The following LUC7L3 variants were observed in gnomAD, a reference collection of about 807,000 sequenced individuals.
The protein encoded by LUC7L3 is LUC7 like 3 pre-mRNA splicing factor, also known as luc7-like protein 3.
A neutral mutation model predicts 66.8 loss-of-function variants in LUC7L3; 6 were observed. The observed-to-expected ratio is 0.09, with a 90% CI of 0.05 to 0.18. The LOEUF (loss-of-function observed/expected upper bound fraction) is 0.18. LUC7L3 is among the 10% of genes least tolerant of loss of function. The pLI is 1.00. For missense variants in LUC7L3, 341 were observed against 531.1 expected, an observed-to-expected ratio of 0.64 and a Z score of 3.52; for synonymous variants, 160 against 174.7, an observed-to-expected ratio of 0.92 and a Z score of 0.66.
At chr17:50,738,900 T>G (rs1449763567) in intron 2 of LUC7L3, among the ~76,000 whole-genome samples, 1 of 150,248 alleles carries the variant, frequency 6.7e-6, no homozygotes, top group Admixed American at 6.7e-5. Flanking sequence ...AACACGGGGG[T>G]GGTGGGGGTG....
At chr17:50,726,681 A>G (rs538843298) in intron 1 of LUC7L3, among the ~76,000 whole-genome samples, 45 of 152,344 alleles carry the variant, frequency 3.0e-4, no homozygotes, top group African/African-American at 8.7e-4. Context: ...AACTTAGGGT[A>G]TTGATAAATA....
Position 50,752,210 on chromosome 17 carries a change from C to G in LUC7L3, c.*1549C>G, listed in dbSNP as rs1380553337. ...AATTTTGCGTTGTAGGACTACTGTT[C>G]GAAGATTTTTGGAAGAATACTGAGA... is the stretch of plus-strand genomic sequence containing the variant. On this transcript the variant is annotated 3_prime_UTR_variant, in exon 10 of 10. Transcript: ENST00000505658. The G allele has an allele frequency of 8.6e-6, 11 of 1,282,770 alleles. No individual in the cohort carries two copies. The highest frequency in any genetic ancestry group is 2.5e-5 in the South Asian group (2 of 79,808). The allele number at this position is 1,282,770 out of a possible 1,614,324, so 79.5% of individuals were successfully genotyped here. A position where few individuals can be genotyped will look rare whatever the true frequency, so the allele number is the denominator to read the frequency against.
rs1174000145 is a variant in LUC7L3, at chr17:50,751,941, A to G, written c.*1280A>G. 9.7e-7 allele frequency: 1 copy of G among 1,035,942 alleles called. No homozygotes were observed. The highest frequency in any genetic ancestry group is 3.2e-5 in the South Asian group (1 of 30,974). 64.2% of individuals were successfully genotyped at this position (1,035,942 alleles called of 1,614,324 possible). A position where few individuals can be genotyped will look rare whatever the true frequency, so the allele number is the denominator to read the frequency against. ...ATATTCCTAATGAAAGGAAGTACCA[A>G]TTAGTTGATTTGTTGGTGGCATTCC... is the stretch of plus-strand genomic sequence containing the variant. On this transcript the variant is annotated 3_prime_UTR_variant, in exon 10 of 10. Coordinates refer to ENST00000505658, the MANE Select transcript of LUC7L3 (RefSeq NM_016424.5).
At chr17:50,720,193 G>A (rs1480742835) in intron 1 of LUC7L3, among the ~76,000 whole-genome samples, 1 of 152,232 alleles carries the variant, frequency 6.6e-6, no homozygotes, top group Non-Finnish European at 1.5e-5. Context: ...AGTTTGGGTT[G>A]AACGTCGTAT....
Position 50,752,170 on chromosome 17 carries a change from TATC to T in LUC7L3, c.*1512_*1514del. ...ATTGGCCTTTTACATGTTGTCTAAT[TATC>T]ATTTTTCCCCAAATTTTGCGTTGTA... On this transcript the variant is annotated 3_prime_UTR_variant, in exon 10 of 10. Transcript: ENST00000505658. 6 of 1,283,642 alleles carry T rather than the reference TATC, an allele frequency of 4.7e-6. No individual in the cohort carries two copies. The highest frequency in any genetic ancestry group is 6.1e-6 in the Non-Finnish European group (6 of 986,332). The allele number at this position is 1,283,642 out of a possible 1,614,324, so 79.5% of individuals were successfully genotyped here. A position where few individuals can be genotyped will look rare whatever the true frequency, so the allele number is the denominator to read the frequency against.
chr17:50,749,226 G>A (rs1350444685), intron 9 of LUC7L3: 1 of 1,289,156 alleles, frequency 7.8e-7, no homozygotes, highest in East Asian at 5.5e-5. Context: ...TAGGGCAGAA[G>A]ATAAGATTAT....
intron 2 of LUC7L3, chr17:50,737,392 C>T (rs761372416): frequency 8.8e-5 from 40 of 452,028 alleles, no homozygotes; most frequent in Middle Eastern, 3.2e-4. Flanking sequence ...GCAACCTGTA[C>T]CCTAAAAGCC....
rs958131724 is a variant in LUC7L3 at position 50,751,958 on chromosome 17, T to C, written c.*1297T>C. 8.0e-5 allele frequency: 82 copies of C among 1,028,278 alleles called. No individual in the cohort carries two copies. Among genetic ancestry groups the C allele is most frequent in the Non-Finnish European group, 9.2e-5 (79 of 855,434 alleles). The allele number at this position is 1,028,278 out of a possible 1,614,324, so 63.7% of individuals were successfully genotyped here. On this transcript the variant is annotated 3_prime_UTR_variant, in exon 10 of 10. Coordinates refer to ENST00000505658, the MANE Select transcript of LUC7L3 (RefSeq NM_016424.5). The stretch of plus-strand genomic sequence containing the variant: ...AAGTACCAATTAGTTGATTTGTTGG[T>C]GGCATTCCCCTTTTGGGAAAGCAAT...
Position 50,750,993 on chromosome 17 carries a change from CT to C in LUC7L3, c.*344del, listed in dbSNP as rs55943930. On this transcript the variant is annotated 3_prime_UTR_variant, in exon 10 of 10. Coordinates refer to ENST00000505658, the MANE Select transcript of LUC7L3 (RefSeq NM_016424.5). Reference sequence around the variant, plus strand: ...TTTTTTAGGGATTTTGATGTCATTTCTTTTTTTTTTTTAATAAAAAGGTTGA... The same window carrying C: ...TTTTTTAGGGATTTTGATGTCATTTCTTTTTTTTTTTAATAAAAAGGTTGA... 73,928 of 826,550 alleles carry C rather than the reference CT, an allele frequency of 0.089. No individual in the cohort carries two copies. Among genetic ancestry groups the C allele is most frequent in the South Asian group, 0.13 (4,863 of 38,416 alleles). The allele number at this position is 826,550 out of a possible 1,614,324, so 51.2% of individuals were successfully genotyped here. A position where few individuals can be genotyped will look rare whatever the true frequency, so the allele number is the denominator to read the frequency against.
intron 1 of LUC7L3, among the ~76,000 whole-genome samples, chr17:50,731,312 G>A (rs1969592020): frequency 6.6e-6 from 1 of 152,120 alleles, no homozygotes. Context: ...GGGATTACAG[G>A]CACTTGCCAT....
intron 5 of LUC7L3, among the ~76,000 whole-genome samples, chr17:50,743,261 C>T (rs926578657): frequency 6.6e-5 from 10 of 151,944 alleles, no homozygotes; most frequent in African/African-American, 2.4e-4. Context: ...TGCAGTGGCA[C>T]GATCTTGGCT....
At chr17:50,720,056 G>T (rs1361978442) in intron 1 of LUC7L3, among the ~76,000 whole-genome samples, 1 of 152,258 alleles carries the variant, frequency 6.6e-6, no homozygotes, top group African/African-American at 2.4e-5. Flanking sequence ...AGAGCCCTTG[G>T]CATAATTGAA....
At chr17:50,740,456 C>A in intron 3 of LUC7L3, 111 bp downstream of exon 3, 3 of 994,366 alleles carry the variant, frequency 3.0e-6, no homozygotes, top group Non-Finnish European at 4.6e-6. Flanking sequence ...TGAGAGAAGT[C>A]CAGTCAGTGG....
chr17:50,729,596 T>G (rs1257198888), intron 1 of LUC7L3, among the ~76,000 whole-genome samples: 3 of 151,974 alleles, frequency 2.0e-5, no homozygotes, highest in African/African-American at 4.8e-5. Flanking sequence ...TCACCCAGAC[T>G]GGGACTTAGG....
rs369486406 is a variant in LUC7L3 at position 50,719,615 on chromosome 17, C to T, written c.-118C>T. The stretch of plus-strand genomic sequence containing the variant: ...CGGCGGCCATTTTGTCTTGTCGGCT[C>T]CTGTGTGTAGGAGGGATTTCGGCCT... On this transcript the variant is annotated 5_prime_UTR_variant, in exon 1 of 10. Transcript: ENST00000505658. 53 of 777,068 alleles carry T rather than the reference C, an allele frequency of 6.8e-5. No individual in the cohort carries two copies. In the East Asian group the frequency reaches 1.2e-3, roughly 17 times the overall value. The allele number at this position is 777,068 out of a possible 1,614,324, so 48.1% of individuals were successfully genotyped here.
intron 1 of LUC7L3, among the ~76,000 whole-genome samples, chr17:50,731,163 G>C (rs183311859): frequency 1.3e-5 from 2 of 152,190 alleles, no homozygotes; most frequent in East Asian, 3.9e-4. Flanking sequence ...AGTAAGAAAC[G>C]AATTCTCTGG....
intron 6 of LUC7L3, among the ~76,000 whole-genome samples, 199 bp downstream of exon 6, chr17:50,744,009 G>T (rs1025260853): frequency 2.0e-5 from 3 of 152,232 alleles, no homozygotes; most frequent in Admixed American, 6.5e-5. Context: ...AAACAAATGG[G>T]TGTGGTTGTA....
At chr17:50,742,185 A>G (rs1026228474) in intron 5 of LUC7L3, among the ~76,000 whole-genome samples, 1 of 152,212 alleles carries the variant, frequency 6.6e-6, no homozygotes, top group African/African-American at 2.4e-5. Flanking sequence ...TAAAACTGCA[A>G]TCAAATACCT....
intron 1 of LUC7L3, chr17:50,722,254 A>G (rs1283193027): frequency 1.6e-5 from 2 of 128,746 alleles, no homozygotes; most frequent in Non-Finnish European, 3.1e-5. Flanking sequence ...CTGGAGTGCA[A>G]TGGCGTGATT....
Sources: gnomAD v4.1 joint callset for allele counts (sites outside exome capture counted in the v4.1 genomes callset) on GRCh38, gnomAD v4.1.1 for gene constraint, MANE v1.5 for transcripts, NCBI Gene and HGNC (gene_info 2026-07-23, HGNC 2026-07-21) for gene names.